Variants in SLC4A10 observed in about 807,000 individuals in gnomAD.
SLC4A10 encodes sodium-driven chloride bicarbonate exchanger.
Under a neutral mutation model 137.7 loss-of-function variants are expected in SLC4A10, and 42 were observed. That is an observed-to-expected ratio of 0.30 (90% CI 0.24 to 0.39). The LOEUF is 0.39. Ranked by LOEUF, SLC4A10 falls within the 10% of genes least tolerant of loss-of-function variation. The probability of loss-of-function intolerance (pLI) is 1.00; values close to 1 mark genes in which losing one functional copy is unlikely to be tolerated. For synonymous variants in SLC4A10, 474 were observed against 464.1 expected, an observed-to-expected ratio of 1.02 and a Z score of -0.27; for missense variants, 925 against 1,355.0, an observed-to-expected ratio of 0.68 and a Z score of 4.98.
intron 1 of SLC4A10, among the ~76,000 whole-genome samples, chr2:161,656,492 TTAAA>T (rs2037549515): frequency 1.3e-5 from 2 of 152,188 alleles, no homozygotes; most frequent in South Asian, 4.1e-4. Context: ...TTATTTATTT[TTAAA>T]TAAATGAGGA....
At chr2:161,793,847 A>G (rs2054473283) in intron 2 of SLC4A10, among the ~76,000 whole-genome samples, 1 of 152,206 alleles carries the variant, frequency 6.6e-6, no homozygotes, top group African/African-American at 2.4e-5. Context: ...AATAATTTCT[A>G]ATTTTGAGCT....
At chr2:161,701,682 C>A (rs1466551255) in intron 1 of SLC4A10, among the ~76,000 whole-genome samples, 1 of 151,876 alleles carries the variant, frequency 6.6e-6, no homozygotes, top group Admixed American at 6.6e-5. Flanking sequence ...TTCCTTCTAT[C>A]TAATTTTATT....
intron 8 of SLC4A10, among the ~76,000 whole-genome samples, chr2:161,878,080 T>C (rs368820613): frequency 1.2e-4 from 19 of 152,212 alleles, no homozygotes; most frequent in African/African-American, 4.3e-4. Context: ...AAAAATATTC[T>C]CAAATCATTA....
chr2:161,957,927 AT>A (rs974099952), intron 20 of SLC4A10, among the ~76,000 whole-genome samples: 5 of 152,134 alleles, frequency 3.3e-5, no homozygotes, highest in African/African-American at 1.2e-4. Context: ...GTTTACTTGT[AT>A]TTGATCATTA....
chr2:161,828,804 A>ATG (rs1553569621), intron 3 of SLC4A10, among the ~76,000 whole-genome samples: 29 of 118,582 alleles, frequency 2.4e-4, no homozygotes, highest in African/African-American at 8.4e-4. Context: ...ATATATATAT[A>ATG]TATATGTATA....
intron 1 of SLC4A10, among the ~76,000 whole-genome samples, chr2:161,727,678 A>C (rs529387656): frequency 6.5e-4 from 99 of 152,284 alleles, no homozygotes; most frequent in African/African-American, 2.3e-3. Flanking sequence ...CACTAAACAC[A>C]ATGAAAGGAA....
At chr2:161,800,921 A>G (rs1167269786) in intron 2 of SLC4A10, among the ~76,000 whole-genome samples, 4 of 152,060 alleles carry the variant, frequency 2.6e-5, no homozygotes, top group Non-Finnish European at 5.9e-5. Context: ...TTGCATAAGA[A>G]CTGTGGGAGA....
intron 1 of SLC4A10, among the ~76,000 whole-genome samples, chr2:161,664,903 A>G (rs2038871528): frequency 1.3e-5 from 2 of 151,840 alleles, no homozygotes; most frequent in Non-Finnish European, 3.0e-5. Context: ...GCTTTGGCAA[A>G]CAGTCTAAGA....
At chr2:161,910,712 T>C (rs541905674) in intron 15 of SLC4A10, among the ~76,000 whole-genome samples, 3 of 152,100 alleles carry the variant, frequency 2.0e-5, no homozygotes, top group Non-Finnish European at 4.4e-5. Flanking sequence ...ACCAGCAGGT[T>C]ATGAGAAATT....
intron 15 of SLC4A10, among the ~76,000 whole-genome samples, chr2:161,928,649 C>CA (rs34327479): frequency 0.36 from 35,626 of 99,242 alleles, 5,641 homozygotes; most frequent in Admixed American, 0.44. Context: ...TCCTTGAAAG[C>CA]AAAAAAAAAA....
chr2:161,744,225 T>C (rs1384327973), intron 1 of SLC4A10, among the ~76,000 whole-genome samples: 1 of 152,104 alleles, frequency 6.6e-6, no homozygotes, highest in Non-Finnish European at 1.5e-5. Flanking sequence ...GAAAAAAGGC[T>C]TTCAATTTTT....
intron 2 of SLC4A10, among the ~76,000 whole-genome samples, chr2:161,789,707 A>G (rs1290890894): frequency 2.0e-5 from 3 of 152,202 alleles, no homozygotes; most frequent in Non-Finnish European, 2.9e-5. Context: ...CAAATTGCGA[A>G]TAGAATTAGA....
At chr2:161,896,509 A>G (rs999760706) in intron 11 of SLC4A10, among the ~76,000 whole-genome samples, 2 of 152,110 alleles carry the variant, frequency 1.3e-5, no homozygotes, top group African/African-American at 2.4e-5. Flanking sequence ...CTTGGGCAGT[A>G]TGGCCATTTT....
intron 9 of SLC4A10, among the ~76,000 whole-genome samples, chr2:161,881,676 A>G (rs750554683): frequency 6.9e-4 from 105 of 152,068 alleles, no homozygotes; most frequent in Non-Finnish European, 1.5e-3. Flanking sequence ...CAGGGCAATT[A>G]CCAGTCTGCT....
intron 11 of SLC4A10, among the ~76,000 whole-genome samples, chr2:161,899,002 T>A (rs1449266241): frequency 6.6e-6 from 1 of 152,084 alleles, no homozygotes; most frequent in African/African-American, 2.4e-5. Flanking sequence ...CATATGCTGA[T>A]GTGCCTTTTA....
At chr2:161,859,598 T>C (rs1158012230) in intron 5 of SLC4A10, among the ~76,000 whole-genome samples, 9 of 114,704 alleles carry the variant, frequency 7.8e-5, no homozygotes, top group Admixed American at 1.7e-4. Flanking sequence ...TCTTTTCTTT[T>C]TTTTTTTTTT....
At chr2:161,862,556 T>A (rs550517232) in intron 5 of SLC4A10, among the ~76,000 whole-genome samples, 1 of 152,284 alleles carries the variant, frequency 6.6e-6, no homozygotes, top group Non-Finnish European at 1.5e-5. Context: ...CTCCCATCAG[T>A]GTGGATAATA....
intron 1 of SLC4A10, among the ~76,000 whole-genome samples, chr2:161,739,009 G>T (rs1334465272): frequency 6.6e-6 from 1 of 152,120 alleles, no homozygotes; most frequent in Non-Finnish European, 1.5e-5. Flanking sequence ...AGGAATTCTA[G>T]CATAAGATTT....
chr2:161,644,122 T>A (rs2035685828), intron 1 of SLC4A10, among the ~76,000 whole-genome samples: 2 of 151,458 alleles, frequency 1.3e-5, no homozygotes, highest in African/African-American at 4.8e-5. Context: ...TATATGCATA[T>A]ATAGAAAGTG....
Sources: gnomAD v4.1 joint callset for allele counts (sites outside exome capture counted in the v4.1 genomes callset) on GRCh38, gnomAD v4.1.1 for gene constraint, MANE v1.5 for transcripts, NCBI Gene and HGNC (gene_info 2026-07-23, HGNC 2026-07-21) for gene names.